The following AZIN2 variants were observed in gnomAD, a reference collection of about 807,000 sequenced individuals.
AZIN2 encodes the protein ODC antizyme inhibitor-2.
A neutral mutation model predicts 47.8 loss-of-function variants in AZIN2; 28 were observed. The ratio of observed to expected loss-of-function variants is 0.59; its 90% CI spans 0.43 to 0.80. The LOEUF is 0.80. Ranked by LOEUF, AZIN2 falls within the 30% of genes least tolerant of loss-of-function variation. AZIN2 has a pLI of 0.00. For missense variants in AZIN2, 535 were observed against 582.5 expected (o/e 0.92, Z 0.84); for synonymous variants, 221 against 239.4 (o/e 0.92, Z 0.71).
At chr1:33,085,776 G>T (rs116158346) in intron 5 of AZIN2, among the ~76,000 whole-genome samples, 1 of 152,148 alleles carries the variant, frequency 6.6e-6, no homozygotes, top group Non-Finnish European at 1.5e-5. Flanking sequence ...TGCACACCTC[G>T]TTTTGTGCAT....
intron 5 of AZIN2, among the ~76,000 whole-genome samples, chr1:33,090,489 A>G (rs1642412460): frequency 6.6e-6 from 1 of 152,226 alleles, no homozygotes; most frequent in Non-Finnish European, 1.5e-5. Context: ...CCGTGCACAG[A>G]GTAGGCCTTT....
intron 10 of AZIN2, among the ~76,000 whole-genome samples, chr1:33,105,552 G>A (rs1643959816): frequency 6.6e-6 from 1 of 152,140 alleles, no homozygotes; most frequent in Admixed American, 6.5e-5. Flanking sequence ...AGGAGGGAGA[G>A]GTGTGAAGGG....
rs945618506 is a variant in AZIN2, at chr1:33,087,443, A to T, written c.279+3316A>T. Among the ~76,000 whole-genome samples, 67 of 134,366 alleles carry T rather than the reference A, an allele frequency of 5.0e-4. 1 individual carries two copies. Among genetic ancestry groups the T allele is most frequent in the African/African-American group, 1.6e-3 (57 of 34,836 alleles). The allele number at this position is 134,366 out of a possible 152,430, so 88.1% of individuals were successfully genotyped here. A position where few individuals can be genotyped will look rare whatever the true frequency, so the allele number is the denominator to read the frequency against. On this transcript the variant is annotated intron_variant, in intron 5 of 11. Coordinates refer to ENST00000294517, the MANE Select transcript of AZIN2 (RefSeq NM_052998.4). The stretch of plus-strand genomic sequence containing the variant: ...CCACTGCACCCAGCCATATATATAT[A>T]TATTTTTTTTTGAGACAGAGTCTTG...
chr1:33,153,362 C>T, the AZIN2 span, among the ~76,000 whole-genome samples: 1 of 152,228 alleles, frequency 6.6e-6, no homozygotes. Flanking sequence ...TCCCTCAGCT[C>T]CTCTCTGGCA....
Position 33,081,815 on chromosome 1 carries a change from G to A in AZIN2, c.-73+3G>A. 1 of 265,028 alleles carries A rather than the reference G, an allele frequency of 3.8e-6. No individual in the cohort carries two copies. The highest frequency in any genetic ancestry group is 3.5e-5 in the South Asian group (1 of 28,384). 16.4% of individuals were successfully genotyped at this position (265,028 alleles called of 1,614,324 possible). A position where few individuals can be genotyped will look rare whatever the true frequency, so the allele number is the denominator to read the frequency against. The stretch of plus-strand genomic sequence containing the variant: ...TGTGGCCACCGGCTACCCTCTAGGT[G>A]GGCGTGGTCAAGACTGGGGGCGCCC... On this transcript the variant is annotated splice_donor_region_variant and intron_variant, in intron 3 of 11. Transcript: ENST00000294517. This position sits in a 1 kb window ranked among gnomAD's most constrained non-coding sequence, Gnocchi z 4.2.
chr1:33,102,475 G>A (rs895079642), intron 10 of AZIN2, among the ~76,000 whole-genome samples: 8 of 151,984 alleles, frequency 5.3e-5, no homozygotes, highest in East Asian at 1.9e-4. Flanking sequence ...TCACTTCCAC[G>A]CTGCTAGCTC....
chr1:33,089,776 A>T (rs1278703913), intron 5 of AZIN2, among the ~76,000 whole-genome samples: 1 of 152,236 alleles, frequency 6.6e-6, no homozygotes, highest in African/African-American at 2.4e-5. Flanking sequence ...GATTAAATGA[A>T]ATAATGCTTA....
the AZIN2 span, among the ~76,000 whole-genome samples, chr1:33,155,160 C>T: frequency 1.3e-4 from 19 of 150,396 alleles, no homozygotes; most frequent in Admixed American, 3.3e-4. Flanking sequence ...CAGCCTTCAC[C>T]GCCTGGGTTC....
chr1:33,142,207 T>G, the AZIN2 span: 1 of 152,294 alleles, frequency 6.6e-6, no homozygotes, highest in Non-Finnish European at 1.5e-5. Flanking sequence ...TTTGGGGTGG[T>G]GAACAGAGCT....
chr1:33,083,714 C>T (rs1195255085), intron 4 of AZIN2: 5 of 558,872 alleles, frequency 8.9e-6, no homozygotes, highest in Admixed American at 6.0e-5. Flanking sequence ...AATGATCCAG[C>T]CTACAGCTGG....
At chr1:33,114,058 GT>G (rs201699803) in intron 10 of AZIN2, among the ~76,000 whole-genome samples, 11 of 149,690 alleles carry the variant, frequency 7.3e-5, no homozygotes, top group Non-Finnish European at 1.6e-4. Context: ...TGGCCATAGG[GT>G]TTTTTTTTCT....
intron 5 of AZIN2, among the ~76,000 whole-genome samples, chr1:33,089,270 A>G (rs563906304): frequency 6.6e-6 from 1 of 152,266 alleles, no homozygotes; most frequent in South Asian, 2.1e-4. Flanking sequence ...CTGGCATAGG[A>G]TATGCCTTCA....
chr1:33,127,048 C>T (rs1644861521), downstream of AZIN2, among the ~76,000 whole-genome samples: 2 of 152,180 alleles, frequency 1.3e-5, no homozygotes, highest in South Asian at 2.1e-4. Context: ...CTCAGGGATT[C>T]CTCAGGCTGA....
chr1:33,091,746 GC>G (rs1334431221), intron 5 of AZIN2, among the ~76,000 whole-genome samples: 1 of 152,082 alleles, frequency 6.6e-6, no homozygotes, highest in Non-Finnish European at 1.5e-5. Flanking sequence ...AGAATGAGAT[GC>G]TTTACTGCCA....
intron 5 of AZIN2, among the ~76,000 whole-genome samples, chr1:33,089,218 T>G (rs1400547244): frequency 6.6e-6 from 1 of 152,154 alleles, no homozygotes; most frequent in Non-Finnish European, 1.5e-5. Flanking sequence ...AGATTATTAG[T>G]AAGGTTAAAT....
chr1:33,149,665 G>C, the AZIN2 span, among the ~76,000 whole-genome samples: 1 of 152,090 alleles, frequency 6.6e-6, no homozygotes. Flanking sequence ...ATGTTGGCCA[G>C]GCTGGTCTCG....
the AZIN2 span, chr1:33,160,027 GAC>G: frequency 3.9e-6 from 6 of 1,539,636 alleles, no homozygotes; most frequent in African/African-American, 4.1e-5. Flanking sequence ...CGAGAGCCTT[GAC>G]ACACAGAGAG....
intron 10 of AZIN2, among the ~76,000 whole-genome samples, chr1:33,103,681 G>C (rs1169381187): frequency 6.6e-6 from 1 of 152,134 alleles, no homozygotes; most frequent in Non-Finnish European, 1.5e-5. Flanking sequence ...TGTCCAGTTA[G>C]TTTCCTCTGA....
chr1:33,142,569 G>C, the AZIN2 span: 2 of 152,256 alleles, frequency 1.3e-5, no homozygotes, highest in Non-Finnish European at 2.9e-5. Context: ...GGGAAGGAGA[G>C]AGACTTGCTC....
Sources: allele counts gnomAD v4.1 joint callset (sites outside exome capture counted in the v4.1 genomes callset), GRCh38; gene constraint gnomAD v4.1.1; non-coding constraint Gnocchi (gnomAD v3.1); transcripts MANE v1.5; gene names NCBI Gene and HGNC (gene_info 2026-07-23, HGNC 2026-07-21).